NLGN4Y: variants seen among roughly 807,000 people sequenced by gnomAD.
NLGN4Y encodes the protein neuroligin-4, Y-linked.
A neutral mutation model predicts 8.4 loss-of-function variants in NLGN4Y; 4 were observed. The ratio of observed to expected loss-of-function variants is 0.48; its 90% CI spans 0.23 to 1.09. The LOEUF (loss-of-function observed/expected upper bound fraction) is 1.09, where lower values mean the gene tolerates loss of function less well. NLGN4Y is among the 50% of genes least tolerant of loss of function. The probability of loss-of-function intolerance (pLI) is 0.19; values close to 1 mark genes in which losing one functional copy is unlikely to be tolerated. For synonymous variants in NLGN4Y, 35 were observed against 75.6 expected (o/e 0.46, Z 2.78); for missense variants, 90 against 192.3 (o/e 0.47, Z 3.15).
chrY:14,780,917 GA>G (rs2042942019), intron 4 of NLGN4Y, among the ~76,000 whole-genome samples: 2 of 33,191 alleles, frequency 6.0e-5, no homozygotes, highest in African/African-American at 1.2e-4. Flanking sequence ...GAGACAGCAG[GA>G]AAAAGAAGGC....
intron 4 of NLGN4Y, among the ~76,000 whole-genome samples, chrY:14,741,468 C>A (rs2081005867): frequency 3.0e-5 from 1 of 33,720 alleles, no homozygotes. Flanking sequence ...CAGAGAGATG[C>A]AGTGCTTTCT....
intron 1 of NLGN4Y, among the ~76,000 whole-genome samples, chrY:14,609,988 G>A (rs1023209370): frequency 3.0e-5 from 1 of 33,135 alleles, no homozygotes; most frequent in Non-Finnish European, 7.5e-5. Context: ...TGGTATTTCC[G>A]TAGAGGTGTT....
Position 14,780,275 on chromosome Y carries a change from T to A in NLGN4Y, c.686-43913T>A, listed in dbSNP as rs907418025. On this transcript the variant is annotated intron_variant, in intron 4 of 6. Coordinates refer to ENST00000684976, the MANE Select transcript of NLGN4Y (RefSeq NM_001365588.1). ...CACTGCCTCTATTTTTGGAAAAAAATTTCATCTTTGAAAAAGCATTTAAGA... is the reference window on the plus strand; with the variant it reads ...CACTGCCTCTATTTTTGGAAAAAAAATTCATCTTTGAAAAAGCATTTAAGA... Among the ~76,000 whole-genome samples the A allele has an allele frequency of 4.5e-4, 15 of 33,072 alleles. No individual in the cohort carries two copies. The East Asian group carries it at 7.3e-3, about 16-fold the overall frequency. 88.7% of individuals were successfully genotyped at this position (33,072 alleles called of 37,273 possible).
chrY:14,720,220 G>A, intron 3 of NLGN4Y, among the ~76,000 whole-genome samples: 1 of 33,492 alleles, frequency 3.0e-5, no homozygotes, highest in African/African-American at 1.2e-4. Flanking sequence ...TCACACCACC[G>A]TTCTTTGAAA....
chrY:14,792,851 A>AGTGTGT (rs1569375425), intron 4 of NLGN4Y, among the ~76,000 whole-genome samples: 249 of 9,086 alleles, frequency 0.027, no homozygotes, highest in Admixed American at 0.029. Flanking sequence ...AGAGAGAGAG[A>AGTGTGT]GTGTGTGTGT....
At chrY:14,569,189 A>G in intron 1 of NLGN4Y, among the ~76,000 whole-genome samples, 2 of 32,265 alleles carry the variant, frequency 6.2e-5, no homozygotes, top group African/African-American at 2.4e-4. Flanking sequence ...AGAATATTTC[A>G]TGGTGCTGAT....
chrY:14,775,491 C>T (rs2081122368), intron 4 of NLGN4Y, among the ~76,000 whole-genome samples: 1 of 32,648 alleles, frequency 3.1e-5, no homozygotes, highest in Non-Finnish European at 7.4e-5. Flanking sequence ...TACACACACA[C>T]ACACACACCA....
intron 2 of NLGN4Y, among the ~76,000 whole-genome samples, chrY:14,704,896 G>A: frequency 3.0e-5 from 1 of 33,088 alleles, no homozygotes; most frequent in African/African-American, 1.2e-4. Context: ...TTGGGCGGGT[G>A]TATGTGTCGA....
At chrY:14,810,208 G>A (rs2043072991) in intron 4 of NLGN4Y, among the ~76,000 whole-genome samples, 1 of 33,513 alleles carries the variant, frequency 3.0e-5, no homozygotes, top group South Asian at 6.7e-4. Flanking sequence ...TTGAATGAGA[G>A]TCATAGCAAA....
At chrY:14,757,622 G>C in intron 4 of NLGN4Y, among the ~76,000 whole-genome samples, 2 of 33,694 alleles carry the variant, frequency 5.9e-5, no homozygotes, top group South Asian at 1.3e-3. Context: ...TGTTGCCCAG[G>C]CTGGAGAGCA....
At chrY:14,821,123 G>A in intron 4 of NLGN4Y, among the ~76,000 whole-genome samples, 3 of 33,683 alleles carry the variant, frequency 8.9e-5, no homozygotes, top group African/African-American at 3.5e-4. Context: ...AAAGGGTCCA[G>A]CGGTACTCAC....
intron 4 of NLGN4Y, among the ~76,000 whole-genome samples, chrY:14,751,169 A>G: frequency 5.9e-5 from 2 of 33,659 alleles, no homozygotes; most frequent in Non-Finnish European, 1.5e-4. Context: ...CACACTCCAT[A>G]TTTCCATTTT....
chrY:14,809,086 A>G (rs772209978), intron 4 of NLGN4Y, among the ~76,000 whole-genome samples: 3 of 34,253 alleles, frequency 8.8e-5, no homozygotes, highest in Admixed American at 5.2e-4. Context: ...AACAAAATAT[A>G]AACAGTTATT....
Position 14,697,206 on chromosome Y carries a change from CAGATAGATAGAT to C in NLGN4Y, c.473-22220_473-22209del. On this transcript the variant is annotated intron_variant, in intron 2 of 6. Coordinates refer to ENST00000684976, the MANE Select transcript of NLGN4Y (RefSeq NM_001365588.1). ...ACAGATAGATAGATAGGTAGGTAGG[CAGATAGATAGAT>C]AGATAGATAGATAGATAGATAGATA... 2.9e-4 allele frequency among the ~76,000 whole-genome samples: 7 copies of C among 24,271 alleles called. No individual in the cohort carries two copies. The South Asian group carries it at 4.5e-3, about 15-fold the overall frequency. The allele number at this position is 24,271 out of a possible 37,273, so 65.1% of individuals were successfully genotyped here. A position where few individuals can be genotyped will look rare whatever the true frequency, so the allele number is the denominator to read the frequency against.
intron 2 of NLGN4Y, among the ~76,000 whole-genome samples, chrY:14,718,376 C>T: frequency 5.9e-5 from 2 of 33,745 alleles, no homozygotes; most frequent in Non-Finnish European, 1.5e-4. Flanking sequence ...TCCTAGAACC[C>T]TATAGGAAGG....
At chrY:14,542,134 TA>T (rs2080151295) in intron 1 of NLGN4Y, among the ~76,000 whole-genome samples, 2 of 32,617 alleles carry the variant, frequency 6.1e-5, no homozygotes, top group East Asian at 1.6e-3. Flanking sequence ...GAAAGCAAAA[TA>T]AAAAAGCAGG....
chrY:14,782,375 G>A, intron 4 of NLGN4Y, among the ~76,000 whole-genome samples: 1 of 33,089 alleles, frequency 3.0e-5, no homozygotes, highest in East Asian at 8.0e-4. Flanking sequence ...GACTTCCAAG[G>A]ATGGATTATA....
rs1357556691 is a variant in NLGN4Y at position 14,843,701 on chromosome Y, A to G, written c.*2439A>G. 29 of 119,203 alleles carry G rather than the reference A, an allele frequency of 2.4e-4. No homozygotes were observed. The highest frequency in any genetic ancestry group is 1.8e-5 in the Non-Finnish European group (1 of 55,764). The allele number at this position is 119,203 out of a possible 400,897, so 29.7% of individuals were successfully genotyped here. On this transcript the variant is annotated 3_prime_UTR_variant, in exon 7 of 7. Transcript: ENST00000684976. ...AGTTATAGAATCTTCATAGAGTTCC[A>G]TGAGAAAAATATACTTGCTATTTAT...
At chrY:14,589,404 C>T (rs2080355758) in intron 1 of NLGN4Y, among the ~76,000 whole-genome samples, 1 of 30,712 alleles carries the variant, frequency 3.3e-5, no homozygotes, top group Non-Finnish European at 7.8e-5. Flanking sequence ...TACAGAGTGC[C>T]GATTGGTGTA....
Sources: gnomAD v4.1 joint callset for allele counts (sites outside exome capture counted in the v4.1 genomes callset) on GRCh38, gnomAD v4.1.1 for gene constraint, MANE v1.5 for transcripts, NCBI Gene and HGNC (gene_info 2026-07-23, HGNC 2026-07-21) for gene names.